The following SEMA3F variants were observed in gnomAD, a reference collection of about 807,000 sequenced individuals.
SEMA3F encodes the protein semaphorin-3F.
Under a neutral mutation model 98.5 loss-of-function variants are expected in SEMA3F, and 30 were observed. The ratio of observed to expected loss-of-function variants is 0.30; its 90% confidence interval spans 0.23 to 0.41. SEMA3F has a LOEUF of 0.41. Among genes scored for constraint, SEMA3F ranks in the 10% least tolerant of loss-of-function variants. The pLI is 1.00. For missense variants in SEMA3F, 866 were observed against 1,119.3 expected (o/e 0.77, Z 3.23); for synonymous variants, 380 against 444.8 (o/e 0.85, Z 1.83).
At chr3:50,170,401 T>C (rs1386087251) in intron 2 of SEMA3F, among the ~76,000 whole-genome samples, 1 of 152,000 alleles carries the variant, frequency 6.6e-6, no homozygotes, top group Non-Finnish European at 1.5e-5. Context: ...CACTAGGAAA[T>C]GGAGTAGCTG....
At chr3:50,175,361 G>A (rs1027429340) in intron 6 of SEMA3F, among the ~76,000 whole-genome samples, 173 bp downstream of exon 6, 1 of 152,202 alleles carries the variant, frequency 6.6e-6, no homozygotes, top group Non-Finnish European at 1.5e-5. Flanking sequence ...ATGCCCAGCT[G>A]GACTCATGTC....
chr3:50,157,633 C>A (rs1341343119), intron 1 of SEMA3F, among the ~76,000 whole-genome samples: 1 of 152,132 alleles, frequency 6.6e-6, no homozygotes, highest in Non-Finnish European at 1.5e-5. Context: ...CCCCACCTGC[C>A]AGGCTGTCCA....
At chr3:50,176,531 T>TC (rs1698815216) in intron 6 of SEMA3F, among the ~76,000 whole-genome samples, 1 of 152,008 alleles carries the variant, frequency 6.6e-6, no homozygotes, top group African/African-American at 2.4e-5. Flanking sequence ...TGAGACTTGG[T>TC]CCCCAGGTCT....
In SEMA3F at chr3:50,174,303, G is replaced by T; in HGVS notation, c.409G>T (p.Ala137Ser). The change falls in exon 5 of 19, where the codon GCC becomes TCC. Residue 137 changes from alanine to serine, a missense_variant. Ala to Ser is a moderately conservative substitution (Grantham distance 99). Around this residue, in one of 3 missense-constraint regions of SEMA3F, gnomAD observed 247 missense variants for 276.0 expected, o/e 0.89. Transcript: ENST00000002829. ...ACACCTGTATGTGTGCGGGACAGGT[G>T]CCTACAACCCCATGTGCACCTATGT... is the stretch of plus-strand genomic sequence containing the variant. ...RTHLYVCGTG[A>S]YNPMCTYVNR... 1 of 1,613,390 alleles carries T rather than the reference G, an allele frequency of 6.2e-7. No homozygotes were observed. Among genetic ancestry groups the T allele is most frequent in the Non-Finnish European group, 8.5e-7 (1 of 1,179,966 alleles).
chr3:50,161,331 A>C (rs1282167000), intron 2 of SEMA3F, among the ~76,000 whole-genome samples: 1 of 152,238 alleles, frequency 6.6e-6, no homozygotes, highest in Non-Finnish European at 1.5e-5. Flanking sequence ...TTTTCCAGAG[A>C]GAGAAACTGA....
intron 6 of SEMA3F, 53 bp downstream of exon 6, chr3:50,175,241 C>A: frequency 1.5e-6 from 2 of 1,312,278 alleles, no homozygotes; most frequent in Admixed American, 2.0e-5. Flanking sequence ...CTGAGCGGAA[C>A]TCACCCTGGG....
Position 50,174,335 on chromosome 3 carries a change from C to G in SEMA3F, c.441C>G (p.Arg147=), listed in dbSNP as rs146091236. Reference sequence around the variant, plus strand: ...ACCCCATGTGCACCTATGTGAACCGCGGACGCCGCGCCCAGGTAAGCCCCA... The same window carrying G: ...ACCCCATGTGCACCTATGTGAACCGGGGACGCCGCGCCCAGGTAAGCCCCA... The part of the protein sequence containing the change: ...AYNPMCTYVN[R]GRRAQATPWT... Residue 147 remains arginine, a synonymous_variant, in exon 5 of 19, where the codon CGC becomes CGG. Coordinates refer to ENST00000002829, the MANE Select transcript of SEMA3F (RefSeq NM_004186.5). 5.6e-6 allele frequency: 9 copies of G among 1,612,038 alleles called. No homozygotes were observed. In the South Asian group the frequency reaches 9.9e-5, roughly 18 times the overall value.
chr3:50,174,294 G>A lies in SEMA3F; in HGVS notation c.400G>A (p.Gly134Arg). 1 of 1,613,484 alleles carries A rather than the reference G, an allele frequency of 6.2e-7. No individual in the cohort carries two copies. Among genetic ancestry groups the A allele is most frequent in the Admixed American group, 1.7e-5 (1 of 60,026 alleles). The stretch of plus-strand genomic sequence containing the variant: ...GAACCGAACACACCTGTATGTGTGC[G>A]GGACAGGTGCCTACAACCCCATGTG... Reference protein sequence around the residue: ...PWNRTHLYVCGTGAYNPMCTY... With the variant: ...PWNRTHLYVCRTGAYNPMCTY... The change falls in exon 5 of 19, where the codon GGG (glycine) becomes AGG (arginine). Residue 134 changes from glycine (G) to arginine (R), a missense_variant. Gly to Arg is a moderately radical substitution (Grantham distance 125). Coordinates refer to ENST00000002829, the MANE Select transcript of SEMA3F (RefSeq NM_004186.5).
chr3:50,184,513 A>C (rs1699136805), intron 12 of SEMA3F, 79 bp from the exon 13 acceptor site: 3 of 983,740 alleles, frequency 3.0e-6, no homozygotes, highest in Admixed American at 3.8e-5. Context: ...CAGACAGTGC[A>C]GCGGCCTCTT....
chr3:50,185,378 G>C, intron 13 of SEMA3F, 65 bp from the exon 14 acceptor site: 2 of 1,470,972 alleles, frequency 1.4e-6, no homozygotes, highest in Non-Finnish European at 1.9e-6. Flanking sequence ...GGGGGAAGGG[G>C]CTGAGGCTGG....
intron 2 of SEMA3F, among the ~76,000 whole-genome samples, chr3:50,159,962 C>T (rs749468021): frequency 1.3e-5 from 2 of 152,170 alleles, no homozygotes; most frequent in African/African-American, 2.4e-5. Context: ...TGGGCATCTT[C>T]CAGAGTCAGA....
At chr3:50,168,481 G>C (rs535649798) in intron 2 of SEMA3F, among the ~76,000 whole-genome samples, 2 of 152,234 alleles carry the variant, frequency 1.3e-5, no homozygotes, top group East Asian at 1.9e-4. Flanking sequence ...GCCTGATCAG[G>C]GTGGCGTTGG....
At chr3:50,161,699 G>T (rs1391249367) in intron 2 of SEMA3F, among the ~76,000 whole-genome samples, 1 of 152,240 alleles carries the variant, frequency 6.6e-6, no homozygotes, top group Non-Finnish European at 1.5e-5. Flanking sequence ...CAGGCCCCGT[G>T]CTGAGTGCTG....
intron 2 of SEMA3F, among the ~76,000 whole-genome samples, chr3:50,163,009 G>A (rs1344328144): frequency 6.6e-6 from 1 of 152,158 alleles, no homozygotes; most frequent in Admixed American, 6.5e-5. Context: ...GGCTTACGGG[G>A]GCTGAGCGGC....
intron 2 of SEMA3F, among the ~76,000 whole-genome samples, chr3:50,170,203 G>A (rs1407843278): frequency 6.6e-6 from 1 of 152,106 alleles, no homozygotes; most frequent in Non-Finnish European, 1.5e-5. Context: ...TCTGGGACCC[G>A]GGGAAGTTCC....
chr3:50,155,088 C>T, upstream of SEMA3F: 1 of 404,022 alleles, frequency 2.5e-6, no homozygotes, highest in Non-Finnish European at 4.5e-6. The surrounding 1 kb of genome is among the most constrained non-coding windows in gnomAD (Gnocchi z 4.9). Flanking sequence ...GGCCGCGAGA[C>T]CAGAGCGAGC....
Position 50,182,207 on chromosome 3 carries a change from G to A in SEMA3F, c.644-77G>A, listed in dbSNP as rs1004994865. 2.5e-6 allele frequency: 4 copies of A among 1,598,420 alleles called. No homozygotes were observed. The highest frequency in any genetic ancestry group is 1.7e-5 in the Admixed American group (1 of 59,934). ...AGCCTGAGCGGGGAGATAAGGCCCTGCCCTGGAAGTCATCTGAGCTGTGCC... is the reference window on the plus strand; with the variant it reads ...AGCCTGAGCGGGGAGATAAGGCCCTACCCTGGAAGTCATCTGAGCTGTGCC... On this transcript the variant is annotated intron_variant, in intron 7 of 18. Coordinates refer to ENST00000002829, the MANE Select transcript of SEMA3F (RefSeq NM_004186.5). This position sits in a 1 kb window ranked among gnomAD's most constrained non-coding sequence, Gnocchi z 4.5.
rs979463150 is a variant in SEMA3F at position 50,158,410 on chromosome 3, G to C, written c.-48-1165G>C. On this transcript the variant is annotated intron_variant, in intron 1 of 18. Coordinates refer to ENST00000002829, the MANE Select transcript of SEMA3F (RefSeq NM_004186.5). This position sits in a 1 kb window ranked among gnomAD's most constrained non-coding sequence, Gnocchi z 4.8. Reference sequence around the variant, plus strand: ...TGCCTTGGCAGGAGAGGCCAGGGCTGGGGGAGGTGGGTCTAGGGATGTCAT... The same window carrying C: ...TGCCTTGGCAGGAGAGGCCAGGGCTCGGGGAGGTGGGTCTAGGGATGTCAT... Among the ~76,000 whole-genome samples the C allele has an allele frequency of 6.6e-6, 1 of 152,242 alleles. No homozygotes were observed. The highest frequency in any genetic ancestry group is 1.5e-5 in the Non-Finnish European group (1 of 68,030).
chr3:50,173,494 A>C (rs986248845), intron 2 of SEMA3F: 3 of 363,044 alleles, frequency 8.3e-6, no homozygotes, highest in Middle Eastern at 8.1e-4. Flanking sequence ...AACAAAAAAT[A>C]AGCTGGGTGT....
Sources: gnomAD v4.1 joint callset for allele counts (sites outside exome capture counted in the v4.1 genomes callset) on GRCh38, gnomAD v4.1.1 for gene constraint, gnomAD v4.1.1 regional missense constraint, Gnocchi (gnomAD v3.1) non-coding constraint, MANE v1.5 for transcripts, NCBI Gene and HGNC (gene_info 2026-07-23, HGNC 2026-07-21) for gene names.